Variants in POLK observed in about 807,000 individuals in gnomAD.
POLK encodes the protein DNA polymerase kappa, also known as polymerase (DNA directed) kappa.
POLK carries 76 observed loss-of-function variants against 94.0 expected under a neutral mutation model. The ratio of observed to expected loss-of-function variants is 0.81; its 90% CI spans 0.67 to 0.98. The LOEUF (loss-of-function observed/expected upper bound fraction) is 0.98, where lower values mean the gene tolerates loss of function less well. Among genes scored for constraint, POLK ranks in the 50% least tolerant of loss-of-function variants. The pLI is 0.00. For synonymous variants in POLK, 349 were observed against 325.4 expected (o/e 1.07, Z -0.78); for missense variants, 954 against 1,010.1 (o/e 0.94, Z 0.75).
intron 1 of POLK, among the ~76,000 whole-genome samples, chr5:75,530,877 C>T (rs1053445993): frequency 1.5e-4 from 22 of 150,388 alleles, no homozygotes; most frequent in East Asian, 5.9e-4. Context: ...GCGCGATGTC[C>T]GCTTGCTGCA....
intron 13 of POLK, 186 bp downstream of exon 13, chr5:75,597,364 G>A: frequency 1.9e-6 from 1 of 528,590 alleles, no homozygotes; most frequent in Non-Finnish European, 3.3e-6. Context: ...TTGTGAATTT[G>A]GGGAAAACTT....
At chr5:75,602,099 T>G (rs1038452254), downstream of POLK, among the ~76,000 whole-genome samples, 1 of 152,204 alleles carries the variant, frequency 6.6e-6, no homozygotes, top group Non-Finnish European at 1.5e-5. Context: ...GGGGACATGC[T>G]TAATTCTCCC....
intron 1 of POLK, chr5:75,512,936 T>A (rs1768135678): frequency 6.6e-6 from 1 of 152,286 alleles, no homozygotes; most frequent in Non-Finnish European, 1.5e-5. Context: ...GAGACCAGCC[T>A]GGGCAACAAG....
chr5:75,524,985 C>G (rs1002648042), intron 1 of POLK, among the ~76,000 whole-genome samples: 1 of 152,230 alleles, frequency 6.6e-6, no homozygotes, highest in African/African-American at 2.4e-5. Context: ...ATCTGAGTCT[C>G]TCTCCTTACC....
intron 1 of POLK, among the ~76,000 whole-genome samples, chr5:75,531,272 A>G (rs1269100411): frequency 6.7e-6 from 1 of 150,012 alleles, no homozygotes. Context: ...CAATATATAT[A>G]GTATATTGTT....
Position 75,593,887 on chromosome 5 carries a change from G to GT in POLK, c.1368dup (p.Thr457TyrfsTer3). On this transcript the variant is annotated frameshift_variant, in exon 12 of 15. Transcript: ENST00000241436. LOFTEE classifies it high-confidence loss of function. ...ATTGTATATGTTATAGGGTAGAACTGTTACCATTAAGTTGAAGAATGTGAA... is the reference window on the plus strand; with the variant it reads ...ATTGTATATGTTATAGGGTAGAACTGTTTACCATTAAGTTGAAGAATGTGAA... 2 of 1,570,356 alleles carry GT rather than the reference G, an allele frequency of 1.3e-6. No homozygotes were observed. The highest frequency in any genetic ancestry group is 1.8e-6 in the Non-Finnish European group (2 of 1,142,196).
At chr5:75,561,376 G>A (rs983691413) in intron 3 of POLK, among the ~76,000 whole-genome samples, 1 of 152,120 alleles carries the variant, frequency 6.6e-6, no homozygotes, top group Non-Finnish European at 1.5e-5. Flanking sequence ...TTGTAGATTT[G>A]TGTAAGTTCC....
intron 3 of POLK, among the ~76,000 whole-genome samples, chr5:75,567,368 G>C (rs1203117257): frequency 2.0e-5 from 3 of 151,986 alleles, no homozygotes; most frequent in Non-Finnish European, 2.9e-5. Context: ...GTTTATATGT[G>C]GTCATGGTGC....
At chr5:75,586,447 AG>A (rs1772475232) in intron 9 of POLK, among the ~76,000 whole-genome samples, 1 of 152,204 alleles carries the variant, frequency 6.6e-6, no homozygotes, top group Non-Finnish European at 1.5e-5. Context: ...TTGGAAAATG[AG>A]TACTCTACAT....
chr5:75,573,460 A>G (rs1771706496), intron 4 of POLK, among the ~76,000 whole-genome samples: 1 of 152,182 alleles, frequency 6.6e-6, no homozygotes, highest in Admixed American at 6.5e-5. Context: ...ACATGTATAC[A>G]TATGTAACTA....
chr5:75,517,586 A>G (rs779781707), intron 1 of POLK, among the ~76,000 whole-genome samples: 2 of 152,206 alleles, frequency 1.3e-5, no homozygotes, highest in African/African-American at 4.8e-5. Flanking sequence ...GTTGCCTACA[A>G]AGATAACTTG....
intron 2 of POLK, among the ~76,000 whole-genome samples, chr5:75,549,738 G>T (rs1770241594): frequency 6.6e-6 from 1 of 151,696 alleles, no homozygotes; most frequent in African/African-American, 2.4e-5. Flanking sequence ...AAAATATATA[G>T]AAAATTACAG....
exon 13 of POLK, chr5:75,596,677 T>G (rs989375843): frequency 1.9e-6 from 3 of 1,614,008 alleles, no homozygotes; most frequent in Non-Finnish European, 2.5e-6. Flanking sequence ...GTTCTCGTGT[T>G]CACATGTTTC....
intron 1 of POLK, among the ~76,000 whole-genome samples, chr5:75,529,719 T>A (rs1364493019): frequency 6.6e-6 from 1 of 152,168 alleles, no homozygotes; most frequent in East Asian, 1.9e-4. Context: ...GTACACAGAT[T>A]ATAATCTTGT....
At chr5:75,607,295 C>T in the POLK span, among the ~76,000 whole-genome samples, 6 of 152,004 alleles carry the variant, frequency 3.9e-5, no homozygotes, top group African/African-American at 9.7e-5. Context: ...GGTGAAACCC[C>T]GTCTCTACTC....
At chr5:75,583,023 C>A in intron 7 of POLK, 1 of 237,072 alleles carries the variant, frequency 4.2e-6, no homozygotes, top group Non-Finnish European at 8.1e-6. Flanking sequence ...TATTGCTTAG[C>A]TCAGAAATTA....
chr5:75,605,401 A>AG (rs2112928310), downstream of POLK, among the ~76,000 whole-genome samples: 1 of 152,274 alleles, frequency 6.6e-6, no homozygotes, highest in Admixed American at 6.5e-5. Context: ...TGAGAGAGAG[A>AG]GAGATTCCCT....
chr5:75,585,297 G>T (rs1400302035), intron 9 of POLK, among the ~76,000 whole-genome samples: 2 of 152,274 alleles, frequency 1.3e-5, no homozygotes, highest in East Asian at 1.9e-4. Context: ...ATGATTCTTC[G>T]AAAGCCTTAA....
chr5:75,569,295 A>G (rs778173593), intron 3 of POLK, 45 bp from the exon 4 acceptor site: 3 of 1,359,350 alleles, frequency 2.2e-6, no homozygotes, highest in Non-Finnish European at 3.1e-6. Flanking sequence ...TGGTGTTTCA[A>G]TATTATGTTG....
Sources: gnomAD v4.1 joint callset for allele counts (sites outside exome capture counted in the v4.1 genomes callset) on GRCh38, gnomAD v4.1.1 for gene constraint, MANE v1.5 for transcripts, NCBI Gene and HGNC (gene_info 2026-07-23, HGNC 2026-07-21) for gene names.